Variants in MCTP2 observed in about 807,000 individuals in gnomAD.
The protein encoded by MCTP2 is multiple C2 and transmembrane domain-containing protein 2.
Under a neutral mutation model 111.6 loss-of-function variants are expected in MCTP2, and 132 were observed. That is an observed-to-expected ratio of 1.18 (90% CI 1.03 to 1.37). The LOEUF is 1.37. MCTP2 is among the 40% of genes most tolerant of loss of function. The pLI, the probability that MCTP2 is intolerant of heterozygous loss-of-function variation, is 0.00. For synonymous variants in MCTP2, 395 were observed against 387.7 expected (o/e 1.02, Z -0.22); for missense variants, 1,183 against 1,067.9 (o/e 1.11, Z -1.50).
intron 1 of MCTP2, among the ~76,000 whole-genome samples, chr15:94,272,719 G>T (rs2073970927): frequency 8.9e-6 from 1 of 112,788 alleles, no homozygotes; most frequent in African/African-American, 3.4e-5. Context: ...TTTGTCATAA[G>T]ATAACACCAT....
intron 4 of MCTP2, among the ~76,000 whole-genome samples, chr15:94,329,355 C>T (rs74028549): frequency 0.035 from 5,288 of 152,010 alleles, 305 homozygotes; most frequent in African/African-American, 0.12. Context: ...ATTAGTAGTC[C>T]GTTCTTGCAT....
chr15:94,403,066 A>G, intron 17 of MCTP2: 5 of 987,236 alleles, frequency 5.1e-6, no homozygotes, highest in South Asian at 4.7e-5. Context: ...GCCATCAAGT[A>G]TATCAGCTCC....
rs552412432 is a variant in MCTP2 at position 94,440,131 on chromosome 15, G to C, written c.2086-45G>C. 36 of 1,605,854 alleles carry C rather than the reference G, an allele frequency of 2.2e-5. No individual in the cohort carries two copies. The Admixed American group carries it at 4.5e-4, about 20-fold the overall frequency. On this transcript the variant is annotated intron_variant, in intron 17 of 22. Coordinates refer to ENST00000357742, the MANE Select transcript of MCTP2 (RefSeq NM_001385001.1). ...GAGTAGGAATTTGATTGCTCCCCTA[G>C]TGTTTTATCAAGCAGTCGTGTATTC...
At chr15:94,343,313 A>G (rs1354479455) in intron 7 of MCTP2, 1 of 152,134 alleles carries the variant, frequency 6.6e-6, no homozygotes, top group African/African-American at 2.4e-5. Context: ...AAGTGGGAAT[A>G]ACTAGCACTT....
rs569625351 is a variant in MCTP2, at chr15:94,335,388, G to A, written c.638-3902G>A. Among the ~76,000 whole-genome samples, 16 of 152,308 alleles carry A rather than the reference G, an allele frequency of 1.1e-4. No homozygotes were observed. In the South Asian group the frequency reaches 2.5e-3, roughly 24 times the overall value. ...AAACAGGATGTTAACCTACAAAGCC[G>A]TAAATACAACTTAGGTAAATTTGAT... On this transcript the variant is annotated intron_variant, in intron 4 of 22. Coordinates refer to ENST00000357742, the MANE Select transcript of MCTP2 (RefSeq NM_001385001.1).
At chr15:94,408,774 T>C (rs2082018937) in intron 17 of MCTP2, among the ~76,000 whole-genome samples, 1 of 152,260 alleles carries the variant, frequency 6.6e-6, no homozygotes, top group Non-Finnish European at 1.5e-5. Flanking sequence ...AAATCACTTA[T>C]TCTTTTGGAG....
At chr15:94,257,271 C>T (rs1212552487) in intron 1 of MCTP2, among the ~76,000 whole-genome samples, 1 of 152,092 alleles carries the variant, frequency 6.6e-6, no homozygotes, top group East Asian at 1.9e-4. Flanking sequence ...CATATATATC[C>T]TCATGGGAAC....
At chr15:94,245,120 G>A (rs570281449) in intron 1 of MCTP2, among the ~76,000 whole-genome samples, 1 of 148,398 alleles carries the variant, frequency 6.7e-6, no homozygotes, top group Non-Finnish European at 1.5e-5. Flanking sequence ...ATATGTATAT[G>A]TATACACATG....
intron 19 of MCTP2, among the ~76,000 whole-genome samples, chr15:94,447,505 G>A (rs575834981): frequency 3.9e-5 from 6 of 152,134 alleles, no homozygotes; most frequent in Admixed American, 6.5e-5. Flanking sequence ...AGTGATTCTC[G>A]TGCCTCCGCC....
intron 19 of MCTP2, among the ~76,000 whole-genome samples, chr15:94,457,166 A>G (rs1265440554): frequency 6.6e-6 from 1 of 152,206 alleles, no homozygotes; most frequent in African/African-American, 2.4e-5. Context: ...TTCATACAAT[A>G]GGTGTAATGA....
chr15:94,368,045 A>T (rs762122674), intron 11 of MCTP2, among the ~76,000 whole-genome samples: 7 of 152,366 alleles, frequency 4.6e-5, no homozygotes, highest in Middle Eastern at 6.8e-3. Context: ...GCGTTTAGCA[A>T]GTCTTTGGGG....
chr15:94,367,815 A>C, intron 11 of MCTP2, 24 bp downstream of exon 11: 1 of 1,563,934 alleles, frequency 6.4e-7, no homozygotes, highest in Non-Finnish European at 8.6e-7. Context: ...CTTATTGTAC[A>C]CTCCCCCTCC....
At chr15:94,415,229 C>A (rs1177376206) in intron 17 of MCTP2, among the ~76,000 whole-genome samples, 1 of 152,096 alleles carries the variant, frequency 6.6e-6, no homozygotes, top group African/African-American at 2.4e-5. Context: ...TTTAAACAGT[C>A]AGGAAAGGTG....
At chr15:94,390,557 T>C (rs2080895548) in intron 14 of MCTP2, among the ~76,000 whole-genome samples, 1 of 152,088 alleles carries the variant, frequency 6.6e-6, no homozygotes, top group Non-Finnish European at 1.5e-5. Flanking sequence ...TTTTATTGAA[T>C]CACACATTTA....
chr15:94,422,618 C>A (rs535094531), intron 17 of MCTP2, among the ~76,000 whole-genome samples: 16 of 152,234 alleles, frequency 1.1e-4, no homozygotes, highest in African/African-American at 3.6e-4. Context: ...CATATCATTT[C>A]TTTGTTTAGA....
At chr15:94,360,893 A>C (rs1188827615) in intron 10 of MCTP2, among the ~76,000 whole-genome samples, 1 of 149,512 alleles carries the variant, frequency 6.7e-6, no homozygotes, top group South Asian at 2.1e-4. Flanking sequence ...CCTCTCCTGT[A>C]GTACAAAAGA....
intron 2 of MCTP2, among the ~76,000 whole-genome samples, chr15:94,299,396 A>C (rs961770974): frequency 1.3e-5 from 2 of 152,140 alleles, no homozygotes; most frequent in Admixed American, 6.5e-5. Flanking sequence ...ATTACTCCTA[A>C]GAAGCATATG....
chr15:94,402,591 G>T (rs1273593917), intron 17 of MCTP2: 1 of 1,551,318 alleles, frequency 6.4e-7, no homozygotes, highest in Admixed American at 2.0e-5. Context: ...AGCGCTGCAA[G>T]AGATCTTAAA....
intron 14 of MCTP2, among the ~76,000 whole-genome samples, chr15:94,395,664 A>G (rs2081245566): frequency 6.6e-6 from 1 of 152,216 alleles, no homozygotes; most frequent in South Asian, 2.1e-4. Flanking sequence ...TTTACCAACC[A>G]ACTTCTAAAA....
Sources: allele counts gnomAD v4.1 joint callset (sites outside exome capture counted in the v4.1 genomes callset), GRCh38; gene constraint gnomAD v4.1.1; transcripts MANE v1.5; gene names NCBI Gene and HGNC (gene_info 2026-07-23, HGNC 2026-07-21).